NOS2: variants seen among roughly 807,000 people sequenced by gnomAD.
The protein encoded by NOS2 is nitric oxide synthase, inducible.
Under a neutral mutation model 136.0 loss-of-function variants are expected in NOS2, and 96 were observed. The ratio of observed to expected loss-of-function variants is 0.71; its 90% confidence interval spans 0.60 to 0.84. The LOEUF is 0.84. NOS2 is among the 40% of genes least tolerant of loss of function. NOS2 has a pLI of 0.00. For synonymous variants in NOS2, 539 were observed against 587.5 expected, an observed-to-expected ratio of 0.92 and a Z score of 1.20; for missense variants, 1,237 against 1,496.9, an observed-to-expected ratio of 0.83 and a Z score of 2.87.
At chr17:27,788,952 G>T in intron 3 of NOS2, 21 bp from the exon 4 acceptor site, 2 of 1,612,168 alleles carry the variant, frequency 1.2e-6, no homozygotes, top group Non-Finnish European at 1.7e-6. Context: ...AAAAAACAGG[G>T]TTTTCTCTCA....
intron 20 of NOS2, 131 bp downstream of exon 20, chr17:27,765,404 G>T: frequency 1.2e-6 from 1 of 805,650 alleles, no homozygotes; most frequent in Non-Finnish European, 1.9e-6. Context: ...TTTCACATAA[G>T]CTTTGGTGGC....
In NOS2 at chr17:27,772,357, G is replaced by C; in HGVS notation, c.1655C>G (p.Ala552Gly). ...LFATETGKSE[A>G]LAWDLGALFS... The stretch of plus-strand genomic sequence containing the variant: ...TAAGGCCCCCAGGTCCCAGGCCAGC[G>C]CCTCTGATTTTCCTGTCTCTGTCGC... The change falls in exon 14 of 27, where the codon GCG (alanine) becomes GGG (glycine). Residue 552 changes from alanine to glycine, a missense_variant. Coordinates refer to ENST00000313735, the MANE Select transcript of NOS2 (RefSeq NM_000625.4). 6.2e-7 allele frequency: 1 copy of C among 1,614,076 alleles called. No individual in the cohort carries two copies. Among genetic ancestry groups the C allele is most frequent in the Non-Finnish European group, 8.5e-7 (1 of 1,180,014 alleles).
At chr17:27,768,930 C>T in intron 17 of NOS2, 47 bp downstream of exon 17, 6 of 1,523,752 alleles carry the variant, frequency 3.9e-6, no homozygotes, top group African/African-American at 1.4e-5. Flanking sequence ...GGCATGAATG[C>T]ACCCTGTCAT....
intron 26 of NOS2, 109 bp from the exon 27 acceptor site, chr17:27,757,462 A>G: frequency 1.2e-6 from 1 of 840,892 alleles, no homozygotes. Context: ...TGTCTTCCCA[A>G]CTGTTATACT....
chr17:27,783,172 C>T (rs1908907924), intron 5 of NOS2, 66 bp from the exon 6 acceptor site: 3 of 1,546,188 alleles, frequency 1.9e-6, no homozygotes, highest in Non-Finnish European at 2.7e-6. Context: ...TTAATTCAAT[C>T]CACAGAAGCA....
intron 3 of NOS2, among the ~76,000 whole-genome samples, chr17:27,789,240 A>C (rs1219345854): frequency 6.6e-6 from 1 of 152,214 alleles, no homozygotes; most frequent in African/African-American, 2.4e-5. Context: ...AATACTACTG[A>C]GAACAGAAAG....
chr17:27,793,713 C>A, intron 2 of NOS2: 1 of 393,938 alleles, frequency 2.5e-6, no homozygotes, highest in Non-Finnish European at 4.5e-6. Flanking sequence ...TCCTTAGGCG[C>A]AGCTCCGCTG....
intron 13 of NOS2, 31 bp downstream of exon 13, chr17:27,773,130 A>G (rs201187624): frequency 1.3e-6 from 2 of 1,533,314 alleles, no homozygotes; most frequent in Non-Finnish European, 1.8e-6. Flanking sequence ...TAGTTCACAC[A>G]TCACTACTAG....
At chr17:27,776,340 A>G (rs1166161941) in intron 11 of NOS2, among the ~76,000 whole-genome samples, 1 of 152,158 alleles carries the variant, frequency 6.6e-6, no homozygotes, top group African/African-American at 2.4e-5. Context: ...TTCTTCCAAG[A>G]CACAGCAACT....
intron 7 of NOS2, 66 bp from the exon 8 acceptor site, chr17:27,781,243 G>A: frequency 1.3e-6 from 2 of 1,521,500 alleles, no homozygotes; most frequent in African/African-American, 1.4e-5. Flanking sequence ...ATCCTGCACT[G>A]GCCCTACCTC....
At chr17:27,799,055 A>G (rs961548252) in intron 1 of NOS2, among the ~76,000 whole-genome samples, 173 bp from the exon 2 acceptor site, 2 of 152,186 alleles carry the variant, frequency 1.3e-5, no homozygotes, top group Admixed American at 6.5e-5. Context: ...CTTCGGACAC[A>G]GACTTCAATT....
At chr17:27,799,165 C>T (rs555588505) in intron 1 of NOS2, among the ~76,000 whole-genome samples, 54 of 152,282 alleles carry the variant, frequency 3.5e-4, no homozygotes, top group Admixed American at 7.8e-4. Flanking sequence ...GCCTCCTTAG[C>T]GGGACCTGCT....
chr17:27,759,699 C>A (rs1307789580), intron 25 of NOS2, among the ~76,000 whole-genome samples: 1 of 152,168 alleles, frequency 6.6e-6, no homozygotes, highest in Non-Finnish European at 1.5e-5. Context: ...CGGCCGCCCT[C>A]CAGCCTTGCA....
At chr17:27,768,827 T>C in intron 17 of NOS2, 150 bp downstream of exon 17, 1 of 807,596 alleles carries the variant, frequency 1.2e-6, no homozygotes. Context: ...ACCTAAGCCC[T>C]CAGGTTTGTG....
chr17:27,781,678 G>T (rs1227752407), intron 7 of NOS2, among the ~76,000 whole-genome samples: 2 of 152,222 alleles, frequency 1.3e-5, no homozygotes, highest in Non-Finnish European at 2.9e-5. Flanking sequence ...CGTTGGTTGG[G>T]AGAGGAAGGT....
intron 6 of NOS2, 38 bp from the exon 7 acceptor site, chr17:27,782,144 G>T (rs1296865551): frequency 1.6e-5 from 25 of 1,580,182 alleles, no homozygotes; most frequent in East Asian, 2.2e-5. Context: ...ATCAAAGACT[G>T]GGTAGACAGA....
At chr17:27,781,007 T>A (rs764392820) in intron 8 of NOS2, 29 bp downstream of exon 8, 1 of 1,608,116 alleles carries the variant, frequency 6.2e-7, no homozygotes, top group East Asian at 2.2e-5. Flanking sequence ...CCCGCCCCAA[T>A]GGCCGGTGGC....
Position 27,759,988 on chromosome 17 carries a change from C to CT in NOS2, c.3159+41dup, listed in dbSNP as rs1289495748. The CT allele has an allele frequency of 2.1e-6, 3 of 1,456,904 alleles. No individual in the cohort carries two copies. In the East Asian group the frequency reaches 7.7e-5, roughly 38 times the overall value. The allele number at this position is 1,456,904 out of a possible 1,614,324, so 90.2% of individuals were successfully genotyped here. Reference sequence around the variant, plus strand: ...TGGGGACCCAGGGCTCACAGTGGAGCTTGTGTGTGTAATGCTTCACCTGCT... The same window carrying CT: ...TGGGGACCCAGGGCTCACAGTGGAGCTTTGTGTGTGTAATGCTTCACCTGCT... On this transcript the variant is annotated intron_variant, in intron 25 of 26. Transcript: ENST00000313735.
chr17:27,779,736 G>A (rs932801502), intron 9 of NOS2, among the ~76,000 whole-genome samples: 1 of 151,996 alleles, frequency 6.6e-6, no homozygotes, highest in Admixed American at 6.6e-5. Flanking sequence ...GTCAGAAGCT[G>A]GGGTTCAAGT....
Sources: gnomAD v4.1 joint callset for allele counts (sites outside exome capture counted in the v4.1 genomes callset) on GRCh38, gnomAD v4.1.1 for gene constraint, MANE v1.5 for transcripts, NCBI Gene and HGNC (gene_info 2026-07-23, HGNC 2026-07-21) for gene names.